ZFYVE16: variants seen among roughly 807,000 people sequenced by gnomAD.
The protein encoded by ZFYVE16 is zinc finger FYVE-type containing 16.
ZFYVE16 carries 89 observed loss-of-function variants against 138.1 expected under a neutral mutation model. The ratio of observed to expected loss-of-function variants is 0.64; its 90% CI spans 0.54 to 0.77. The LOEUF (loss-of-function observed/expected upper bound fraction) is 0.77, where lower values mean the gene tolerates loss of function less well. Among genes scored for constraint, ZFYVE16 ranks in the 30% least tolerant of loss-of-function variants. The pLI is 0.00. For missense variants in ZFYVE16, 1,793 were observed against 1,786.7 expected, an observed-to-expected ratio of 1.00 and a Z score of -0.06; for synonymous variants, 596 against 618.3, an observed-to-expected ratio of 0.96 and a Z score of 0.53.
At chr5:80,454,053 G>A (rs925871685) in intron 11 of ZFYVE16, 2 of 151,974 alleles carry the variant, frequency 1.3e-5, no homozygotes, top group African/African-American at 4.8e-5. Flanking sequence ...TTCCTTTATC[G>A]TTTTTATGTC....
chr5:80,448,434 G>T lies in ZFYVE16; in HGVS notation c.3103+30G>T, dbSNP rs753369184. ...GGAAGCAGTTATTTAAATTTAAAAA[G>T]ATTTAAAAATATATACTGATGAATT... On this transcript the variant is annotated intron_variant, in intron 8 of 18. Transcript: ENST00000505560. 9 of 1,435,714 alleles carry T rather than the reference G, an allele frequency of 6.3e-6. No individual in the cohort carries two copies. In the African/African-American group the frequency reaches 1.0e-4, roughly 16 times the overall value. The allele number at this position is 1,435,714 out of a possible 1,614,324, so 88.9% of individuals were successfully genotyped here. A position where few individuals can be genotyped will look rare whatever the true frequency, so the allele number is the denominator to read the frequency against.
chr5:80,445,533 T>C lies in ZFYVE16; in HGVS notation c.2724+128T>C. 1.4e-5 allele frequency: 11 copies of C among 782,938 alleles called. 1 individual carries two copies. The South Asian group carries it at 1.9e-4, about 14-fold the overall frequency. The allele number at this position is 782,938 out of a possible 1,614,324, so 48.5% of individuals were successfully genotyped here. ...GAGCTTCCTAAAATAAGAGATGTAT[T>C]GATATAGTGAATATATTTTAGATTT... is the stretch of plus-strand genomic sequence containing the variant. On this transcript the variant is annotated intron_variant, in intron 7 of 18. Transcript: ENST00000505560.
intron 1 of ZFYVE16, among the ~76,000 whole-genome samples, chr5:80,408,558 A>G (rs1744960857): frequency 6.6e-6 from 1 of 152,212 alleles, no homozygotes; most frequent in Admixed American, 6.5e-5. Flanking sequence ...GTTCTTCAGG[A>G]GTGGCAGAGG....
intron 2 of ZFYVE16, among the ~76,000 whole-genome samples, chr5:80,431,142 G>A (rs1381032237): frequency 6.6e-6 from 1 of 152,106 alleles, no homozygotes; most frequent in Non-Finnish European, 1.5e-5. Flanking sequence ...CCAAAAAAGA[G>A]AATTTTAGAC....
rs777859377 is a variant in ZFYVE16, at chr5:80,437,389, A to C, written c.704A>C (p.Gln235Pro). The change falls in exon 4 of 19, where the codon CAG (glutamine) becomes CCG (proline). Residue 235 changes from glutamine to proline, a missense_variant. Physicochemically the swap from Gln to Pro is moderately conservative, Grantham distance 76. Around this residue, in one of 2 missense-constraint regions of ZFYVE16, gnomAD observed 1,295 missense variants for 1,204.3 expected, o/e 1.08. Transcript: ENST00000505560. Reference protein sequence around the residue: ...ENLKDKKIFNQLESIVDFNMS... With the variant: ...ENLKDKKIFNPLESIVDFNMS... ...TTAAAAGATAAAAAGATCTTTAATC[A>C]GTTAGAATCAATTGTTGATTTTAAC... 1 of 1,604,366 alleles carries C rather than the reference A, an allele frequency of 6.2e-7. No homozygotes were observed. Among genetic ancestry groups the C allele is most frequent in the South Asian group, 1.1e-5 (1 of 89,778 alleles).
Position 80,437,472 on chromosome 5 carries a change from C to G in ZFYVE16, c.787C>G (p.Gln263Glu). Residue 263 changes from glutamine (Q) to glutamate (E), a missense_variant, in exon 4 of 19, where the codon CAA (glutamine) becomes GAA (glutamate). This residue lies in a region of ZFYVE16 where 1,295 missense variants were observed against 1,204.3 expected (regional missense o/e 1.08). Coordinates refer to ENST00000505560, the MANE Select transcript of ZFYVE16 (RefSeq NM_001284236.3). ...SKMFHAKDKLQHKSQPCGLLK... is the reference protein window; with the variant it reads ...SKMFHAKDKLEHKSQPCGLLK... ...AATGTTTCATGCCAAAGACAAGCTA[C>G]AACACAAGAGCCAGCCATGTGGATT... The G allele has an allele frequency of 6.2e-7, 1 of 1,606,882 alleles. No homozygotes were observed. The highest frequency in any genetic ancestry group is 1.1e-5 in the South Asian group (1 of 90,166).
At chr5:80,449,850 G>A (rs1580276579) in intron 9 of ZFYVE16, 137 bp downstream of exon 9, 3 of 1,000,636 alleles carry the variant, frequency 3.0e-6, no homozygotes, top group South Asian at 1.8e-5. Flanking sequence ...ACATATGACT[G>A]TAAATAAATT....
chr5:80,434,997 G>A (rs1203927961), intron 3 of ZFYVE16, among the ~76,000 whole-genome samples: 2 of 151,968 alleles, frequency 1.3e-5, no homozygotes, highest in Non-Finnish European at 2.9e-5. Flanking sequence ...GAGGAGCTGG[G>A]ATTACAGGCA....
At position 80,456,000 on chromosome 5, in the gene ZFYVE16, C is replaced by A. The variant is rs185100; in HGVS notation, c.3690+226C>A. The A allele has an allele frequency of 1.3e-5, 6 of 452,522 alleles. No homozygotes were observed. In the Admixed American group the frequency reaches 1.7e-4, roughly 12 times the overall value. The allele number at this position is 452,522 out of a possible 1,614,324, so 28.0% of individuals were successfully genotyped here. On this transcript the variant is annotated intron_variant, in intron 12 of 18. Coordinates refer to ENST00000505560, the MANE Select transcript of ZFYVE16 (RefSeq NM_001284236.3). ...TGTACGTGTACCTGATTCTAAGTGC[C>A]TTTTGATTCATTCTCCTGCAGTTCT... is the stretch of plus-strand genomic sequence containing the variant.
intron 6 of ZFYVE16, among the ~76,000 whole-genome samples, chr5:80,444,397 A>C (rs539336842): frequency 1.3e-5 from 2 of 151,992 alleles, no homozygotes; most frequent in African/African-American, 2.4e-5. Flanking sequence ...ATATAATTCA[A>C]ATTTTTTCAG....
In ZFYVE16 at chr5:80,436,937, A is replaced by T. The variant is rs751589724; in HGVS notation, c.252A>T (p.Thr84=). 3.1e-6 allele frequency: 5 copies of T among 1,614,106 alleles called. No homozygotes were observed. The highest frequency in any genetic ancestry group is 4.2e-6 in the Non-Finnish European group (5 of 1,180,006). Residue 84 remains threonine, a synonymous_variant, in exon 4 of 19, where the codon ACA becomes ACT. Coordinates refer to ENST00000505560, the MANE Select transcript of ZFYVE16 (RefSeq NM_001284236.3). ...GTNESSLNEK[T]LKGLTSIQNE... Reference sequence around the variant, plus strand: ...ATGAGAGTTCCCTGAATGAAAAAACACTCAAGGGACTTACTTCTATACAAA... The same window carrying T: ...ATGAGAGTTCCCTGAATGAAAAAACTCTCAAGGGACTTACTTCTATACAAA...
In ZFYVE16 at chr5:80,448,179, C is replaced by T; in HGVS notation, c.2878C>T (p.Pro960Ser). 1 of 1,613,916 alleles carries T rather than the reference C, an allele frequency of 6.2e-7. No individual in the cohort carries two copies. The highest frequency in any genetic ancestry group is 8.5e-7 in the Non-Finnish European group (1 of 1,179,934). Residue 960 changes from proline (P) to serine (S), a missense_variant, in exon 8 of 19, where the codon CCT becomes TCT. Coordinates refer to ENST00000505560, the MANE Select transcript of ZFYVE16 (RefSeq NM_001284236.3). ...TATGAACACAGGAAATGAGGGGTTA[C>T]CTACTTCTGGTTCATTTACACTAGA... is the stretch of plus-strand genomic sequence containing the variant. ...LSMNTGNEGL[P>S]TSGSFTLDDD...
At position 80,437,058 on chromosome 5, in the gene ZFYVE16, C is replaced by A; in HGVS notation, c.373C>A (p.Pro125Thr). Reference sequence around the variant, plus strand: ...GTTATATATGGGACGATGTAGTAAACCTATCTGTGATCTGATAAGTGACAT... The same window carrying A: ...GTTATATATGGGACGATGTAGTAAAACTATCTGTGATCTGATAAGTGACAT... Reference protein sequence around the residue: ...QPLYMGRCSKPICDLISDMGN... With the variant: ...QPLYMGRCSKTICDLISDMGN... Residue 125 changes from proline to threonine, a missense_variant, in exon 4 of 19, where the codon CCT becomes ACT. Pro to Thr is a conservative substitution (Grantham distance 38). Coordinates refer to ENST00000505560, the MANE Select transcript of ZFYVE16 (RefSeq NM_001284236.3). 1 of 1,614,108 alleles carries A rather than the reference C, an allele frequency of 6.2e-7. No individual in the cohort carries two copies. Among genetic ancestry groups the A allele is most frequent in the African/African-American group, 1.3e-5 (1 of 75,036 alleles).
rs999672796 is a variant in ZFYVE16 at position 80,477,925 on chromosome 5, CTTTTTGGA to C, written c.*551_*558del. The stretch of plus-strand genomic sequence containing the variant: ...ACCTACCTCCATAATTAGATAAACT[CTTTTTGGA>C]TTATAATCAGAATTTTGCCTTTTTT... On this transcript the variant is annotated 3_prime_UTR_variant, in exon 19 of 19. Coordinates refer to ENST00000505560, the MANE Select transcript of ZFYVE16 (RefSeq NM_001284236.3). The C allele has an allele frequency of 1.3e-5, 2 of 152,060 alleles. No homozygotes were observed. Among genetic ancestry groups the C allele is most frequent in the Non-Finnish European group, 2.9e-5 (2 of 67,962 alleles). The allele number at this position is 152,060 out of a possible 1,614,324, so 9.4% of individuals were successfully genotyped here. A position where few individuals can be genotyped will look rare whatever the true frequency, so the allele number is the denominator to read the frequency against.
intron 2 of ZFYVE16, among the ~76,000 whole-genome samples, chr5:80,432,768 A>G (rs933907194): frequency 1.3e-5 from 2 of 152,230 alleles, no homozygotes; most frequent in African/African-American, 2.4e-5. Flanking sequence ...AACCCCATCA[A>G]CAAGTGGGCG....
At chr5:80,475,521 G>A (rs527554227) in intron 18 of ZFYVE16, among the ~76,000 whole-genome samples, 21 of 152,186 alleles carry the variant, frequency 1.4e-4, no homozygotes, top group African/African-American at 4.8e-4. Flanking sequence ...TCCCTCTCCG[G>A]CCAAGCAATC....
At chr5:80,407,610 A>T (rs999612073), upstream of ZFYVE16, among the ~76,000 whole-genome samples, 19 of 152,142 alleles carry the variant, frequency 1.2e-4, no homozygotes, top group Non-Finnish European at 2.4e-4. Flanking sequence ...ACAAAAAGTT[A>T]TGTTTTCCGA....
At chr5:80,411,226 C>T (rs1047248448) in intron 1 of ZFYVE16, among the ~76,000 whole-genome samples, 1 of 148,438 alleles carries the variant, frequency 6.7e-6, no homozygotes, top group African/African-American at 2.5e-5. Context: ...TTGTGATCTG[C>T]CCACCTCAGC....
intron 1 of ZFYVE16, among the ~76,000 whole-genome samples, chr5:80,427,232 G>T (rs1395089331): frequency 6.6e-6 from 1 of 151,974 alleles, no homozygotes; most frequent in Admixed American, 6.6e-5. Context: ...TCCTTGGGTA[G>T]GATAAATTCT....
Sources: gnomAD v4.1 joint callset for allele counts (sites outside exome capture counted in the v4.1 genomes callset) on GRCh38, gnomAD v4.1.1 for gene constraint, gnomAD v4.1.1 regional missense constraint, MANE v1.5 for transcripts, NCBI Gene and HGNC (gene_info 2026-07-23, HGNC 2026-07-21) for gene names.